PCDHGA1: variants seen among roughly 807,000 people sequenced by gnomAD.
The protein encoded by PCDHGA1 is protocadherin gamma-A1.
Under a neutral mutation model 58.0 loss-of-function variants are expected in PCDHGA1, and 32 were observed. The ratio of observed to expected loss-of-function variants is 0.55; its 90% CI spans 0.42 to 0.74. PCDHGA1 has a LOEUF of 0.74. Among genes scored for constraint, PCDHGA1 ranks in the 30% least tolerant of loss-of-function variants. The pLI is 0.00. For synonymous variants in PCDHGA1, 498 were observed against 501.1 expected, an observed-to-expected ratio of 0.99 and a Z score of 0.08; for missense variants, 1,205 against 1,182.3, an observed-to-expected ratio of 1.02 and a Z score of -0.28.
At chr5:141,413,637 G>T in intron 1 of PCDHGA1, 8 of 1,613,888 alleles carry the variant, frequency 5.0e-6, no homozygotes, top group Non-Finnish European at 6.8e-6. Context: ...CTGCGGGAAT[G>T]CGTTTTCCTC....
intron 1 of PCDHGA1, chr5:141,409,809 A>G: frequency 1.2e-6 from 2 of 1,611,542 alleles, no homozygotes; most frequent in Non-Finnish European, 1.7e-6. Context: ...CAGGCCCGCG[A>G]CCACGGCTCG....
chr5:141,359,986 G>T (rs1403272026), intron 1 of PCDHGA1: 1 of 913,802 alleles, frequency 1.1e-6, no homozygotes. Flanking sequence ...CTCTTAGAGG[G>T]GAACTTCCTG....
intron 1 of PCDHGA1, chr5:141,371,507 A>G: frequency 6.2e-7 from 1 of 1,613,910 alleles, no homozygotes; most frequent in Non-Finnish European, 8.5e-7. Context: ...TGATCAAAAC[A>G]CATGATCTAG....
chr5:141,507,196 CCAGAT>C (rs2099859095), intron 3 of PCDHGA1: 1 of 152,374 alleles, frequency 6.6e-6, no homozygotes, highest in Non-Finnish European at 1.5e-5. Context: ...CTTTATTCTT[CCAGAT>C]CAGGGTTGCC....
At chr5:141,433,818 C>A (rs1286718725) in intron 1 of PCDHGA1, among the ~76,000 whole-genome samples, 7 of 133,614 alleles carry the variant, frequency 5.2e-5, no homozygotes, top group African/African-American at 5.8e-5. Flanking sequence ...GCCTGGGCAA[C>A]AAGAGTGAAA....
chr5:141,473,598 T>C (rs959841516), intron 1 of PCDHGA1, among the ~76,000 whole-genome samples: 8 of 152,066 alleles, frequency 5.3e-5, no homozygotes, highest in African/African-American at 1.9e-4. Flanking sequence ...CCTGTAGAAA[T>C]TAGCAAAGCA....
intron 1 of PCDHGA1, among the ~76,000 whole-genome samples, chr5:141,429,903 T>C (rs1276564046): frequency 2.0e-5 from 3 of 152,252 alleles, no homozygotes; most frequent in African/African-American, 7.2e-5. Flanking sequence ...TAAATATTTT[T>C]GAAATATAAT....
intron 1 of PCDHGA1, chr5:141,365,446 T>C: frequency 6.2e-7 from 1 of 1,614,030 alleles, no homozygotes; most frequent in Non-Finnish European, 8.5e-7. Flanking sequence ...TTAGCGTACA[T>C]GATGGTGATT....
chr5:141,365,440 C>T, intron 1 of PCDHGA1: 3 of 1,613,954 alleles, frequency 1.9e-6, no homozygotes, highest in Non-Finnish European at 1.7e-6. Flanking sequence ...CGCTGTTTAG[C>T]GTACATGATG....
intron 1 of PCDHGA1, chr5:141,393,454 C>A: frequency 1.2e-6 from 2 of 1,614,046 alleles, no homozygotes; most frequent in South Asian, 1.1e-5. Context: ...GTCCTCACGG[C>A]CTCGGATGGC....
chr5:141,410,414 G>A lies in PCDHGA1; in HGVS notation c.2421+77309G>A, dbSNP rs201698858. On this transcript the variant is annotated intron_variant, in intron 1 of 3. Coordinates refer to ENST00000517417, the MANE Select transcript of PCDHGA1 (RefSeq NM_018912.3). ...TGGTCTCTGTGTCAAGTCTGGACCT[G>A]TAGTTCCCCCCAACTACAGTGAGGG... 2.0e-4 allele frequency: 326 copies of A among 1,613,916 alleles called. 1 individual carries two copies. The highest frequency in any genetic ancestry group is 2.7e-4 in the Non-Finnish European group (315 of 1,179,910).
intron 2 of PCDHGA1, among the ~76,000 whole-genome samples, chr5:141,501,966 C>A (rs1046026111): frequency 1.3e-5 from 2 of 152,118 alleles, no homozygotes; most frequent in African/African-American, 4.8e-5. Context: ...ATCCTCCTAA[C>A]CTCTGGCATC....
chr5:141,499,029 A>AAGGAAGGAAGGAAGGAAGG (rs1562187768), intron 2 of PCDHGA1, among the ~76,000 whole-genome samples: 3 of 140,076 alleles, frequency 2.1e-5, no homozygotes, highest in African/African-American at 8.3e-5. Flanking sequence ...AGGAAGGAAG[A>AAGGAAGGAAGGAAGGAAGG]AAAGAAAGAA....
intron 1 of PCDHGA1, among the ~76,000 whole-genome samples, chr5:141,358,416 G>T (rs1760910667): frequency 6.6e-6 from 1 of 152,090 alleles, no homozygotes; most frequent in South Asian, 2.1e-4. Context: ...TTCCTTGAAA[G>T]GGTATTTTCC....
At chr5:141,427,922 G>T (rs949317839) in intron 1 of PCDHGA1, 2 of 1,580,624 alleles carry the variant, frequency 1.3e-6, no homozygotes, top group African/African-American at 1.3e-5. Context: ...ACATGAGCCG[G>T]CGCATGTTGG....
intron 1 of PCDHGA1, chr5:141,361,614 G>A (rs919763957): frequency 2.4e-5 from 39 of 1,613,828 alleles, no homozygotes; most frequent in Non-Finnish European, 3.0e-5. Flanking sequence ...CCATCGTAGC[G>A]AGCGACCTGA....
intron 1 of PCDHGA1, chr5:141,362,516 G>T: frequency 6.2e-7 from 1 of 1,613,984 alleles, no homozygotes; most frequent in Non-Finnish European, 8.5e-7. Context: ...ACAAATCATG[G>T]AGCCGCTGGG....
rs376773009 is a variant in PCDHGA1, at chr5:141,511,838, C to T, written c.*665C>T. 64 of 156,854 alleles carry T rather than the reference C, an allele frequency of 4.1e-4. No homozygotes were observed. Among genetic ancestry groups the T allele is most frequent in the Non-Finnish European group, 6.8e-4 (48 of 70,726 alleles). The allele number at this position is 156,854 out of a possible 1,614,324, so 9.7% of individuals were successfully genotyped here. A position where few individuals can be genotyped will look rare whatever the true frequency, so the allele number is the denominator to read the frequency against. ...TCTTCCCAACGCCCTGGGGACCAGTCTTCTGTTTTGTTTTTCATTGTTTGA... is the reference window on the plus strand; with the variant it reads ...TCTTCCCAACGCCCTGGGGACCAGTTTTCTGTTTTGTTTTTCATTGTTTGA... On this transcript the variant is annotated 3_prime_UTR_variant, in exon 4 of 4. Transcript: ENST00000517417.
chr5:141,389,576 G>C, intron 1 of PCDHGA1: 1 of 1,613,196 alleles, frequency 6.2e-7, no homozygotes, highest in East Asian at 2.2e-5. Context: ...TGTACCCCGC[G>C]CTGGGTCCCG....
Sources: gnomAD v4.1 joint callset for allele counts (sites outside exome capture counted in the v4.1 genomes callset) on GRCh38, gnomAD v4.1.1 for gene constraint, MANE v1.5 for transcripts, NCBI Gene and HGNC (gene_info 2026-07-23, HGNC 2026-07-21) for gene names.